TCERG1: variants seen among roughly 807,000 people sequenced by gnomAD.
The protein encoded by TCERG1 is transcription elongation regulator 1.
Under a neutral mutation model 144.7 loss-of-function variants are expected in TCERG1, and 37 were observed. The ratio of observed to expected loss-of-function variants is 0.26; its 90% CI spans 0.20 to 0.34. The LOEUF (loss-of-function observed/expected upper bound fraction) is 0.34. TCERG1 is among the 10% of genes least tolerant of loss of function. TCERG1 has a pLI of 1.00. For synonymous variants in TCERG1, 492 were observed against 458.2 expected (o/e 1.07, Z -0.94); for missense variants, 1,027 against 1,380.7 (o/e 0.74, Z 4.06).
At chr5:146,457,125 G>T in intron 2 of TCERG1, 58 bp from the exon 3 acceptor site, 1 of 1,577,428 alleles carries the variant, frequency 6.3e-7, no homozygotes. Flanking sequence ...ATAGAATTCA[G>T]TAATAATTTG....
intron 9 of TCERG1, 23 bp from the exon 10 acceptor site, chr5:146,478,470 T>G (rs762781129): frequency 6.4e-7 from 1 of 1,558,414 alleles, no homozygotes; most frequent in Non-Finnish European, 8.6e-7. Context: ...CATAAGAGAA[T>G]GATATTTTGC....
chr5:146,463,529 T>A (rs1188500792), intron 4 of TCERG1, 22 bp from the exon 5 acceptor site: 1 of 1,613,574 alleles, frequency 6.2e-7, no homozygotes, highest in East Asian at 2.2e-5. Context: ...GTGATACATG[T>A]TTTTGTTTTA....
chr5:146,463,128 T>C (rs775099746), intron 4 of TCERG1, among the ~76,000 whole-genome samples: 2 of 152,238 alleles, frequency 1.3e-5, no homozygotes, highest in Admixed American at 6.5e-5. Context: ...GTTTCACTCA[T>C]TAATTGCTTG....
At chr5:146,501,902 T>C (rs1346177683) in intron 17 of TCERG1, among the ~76,000 whole-genome samples, 2 of 140,964 alleles carry the variant, frequency 1.4e-5, no homozygotes, top group Non-Finnish European at 3.1e-5. Flanking sequence ...TTTTTTTTTT[T>C]TTTTTTTTTT....
intron 17 of TCERG1, among the ~76,000 whole-genome samples, chr5:146,501,257 G>A (rs1561701288): frequency 3.3e-5 from 5 of 152,082 alleles, no homozygotes; most frequent in Admixed American, 2.6e-4. Context: ...AGTAAGGAAT[G>A]GGGAGAATAA....
intron 15 of TCERG1, among the ~76,000 whole-genome samples, chr5:146,490,308 C>T (rs1766273725): frequency 6.6e-6 from 1 of 152,052 alleles, no homozygotes; most frequent in African/African-American, 2.4e-5. Context: ...GGGAAGATGT[C>T]GAAGGTATTT....
rs1196712971 is a variant in TCERG1 at position 146,479,874 on chromosome 5, G to A, written c.1782G>A (p.Met594Ile). The A allele has an allele frequency of 1.2e-6, 2 of 1,613,522 alleles. No individual in the cohort carries two copies. Among genetic ancestry groups the A allele is most frequent in the Non-Finnish European group, 1.7e-6 (2 of 1,179,640 alleles). Reference sequence around the variant, plus strand: ...TGCCAGGGCACCCAACTCCGACAATGCTGTCGATCCAAAAGTGGCAATTCT... The same window carrying A: ...TGCCAGGGCACCCAACTCCGACAATACTGTCGATCCAAAAGTGGCAATTCT... The part of the protein sequence containing the change: ...LKKLRHPTPT[M>I]LSIQKWQFSM... The change falls in exon 11 of 23, where the codon ATG becomes ATA. Residue 594 changes from methionine (M) to isoleucine (I), a missense_variant. By Grantham distance (10) the Met-to-Ile change is conservative. This residue lies in a region of TCERG1 where 482 missense variants were observed against 632.6 expected (regional missense o/e 0.76). Coordinates refer to ENST00000679501, the MANE Select transcript of TCERG1 (RefSeq NM_001382548.1).
At chr5:146,453,628 A>C (rs1762546832) in intron 1 of TCERG1, among the ~76,000 whole-genome samples, 1 of 152,200 alleles carries the variant, frequency 6.6e-6, no homozygotes, top group South Asian at 2.1e-4. Flanking sequence ...TACAGAATCC[A>C]ATCTAGAGTT....
chr5:146,458,604 C>T (rs142033321), intron 3 of TCERG1, among the ~76,000 whole-genome samples: 3,463 of 152,172 alleles, frequency 0.023, 130 homozygotes, highest in African/African-American at 0.078. Flanking sequence ...TCCCGAGTAG[C>T]TGGGATTACA....
chr5:146,452,238 A>ATGAT (rs1194586744), intron 1 of TCERG1, among the ~76,000 whole-genome samples: 1 of 152,178 alleles, frequency 6.6e-6, no homozygotes, highest in Non-Finnish European at 1.5e-5. Context: ...GACTATAAGA[A>ATGAT]TGATTATTTT....
intron 19 of TCERG1, 23 bp downstream of exon 19, chr5:146,504,029 T>C: frequency 6.7e-7 from 1 of 1,492,288 alleles, no homozygotes; most frequent in Non-Finnish European, 8.9e-7. Flanking sequence ...CTTTTACTTT[T>C]TTTCTCTAAA....
At chr5:146,455,410 CATATATTA>C in intron 2 of TCERG1, 129 bp downstream of exon 2, 6 of 1,031,192 alleles carry the variant, frequency 5.8e-6, no homozygotes, top group Non-Finnish European at 8.3e-6. Context: ...AGAGAAGATC[CATATATTA>C]ATATGTTTCT....
Position 146,471,494 on chromosome 5 carries a change from A to G in TCERG1, c.1519A>G (p.Lys507Glu). ...EPIKEIKEEPKEEEMTEEEKA... is the reference protein window; with the variant it reads ...EPIKEIKEEPEEEEMTEEEKA... ...GTAATATCATTTCTTGTAGGAGCCC[A>G]AAGAAGAGGAGATGACTGAAGAAGA... The change falls in exon 9 of 23, where the codon AAA becomes GAA. Residue 507 changes from lysine (K) to glutamate (E), a missense_variant. This residue lies in a region of TCERG1 where 482 missense variants were observed against 632.6 expected (regional missense o/e 0.76). Coordinates refer to ENST00000679501, the MANE Select transcript of TCERG1 (RefSeq NM_001382548.1). The G allele has an allele frequency of 6.2e-7, 1 of 1,612,578 alleles. No homozygotes were observed. The highest frequency in any genetic ancestry group is 1.1e-5 in the South Asian group (1 of 90,712).
At chr5:146,492,725 G>A in intron 15 of TCERG1, 195 bp from the exon 16 acceptor site, 1 of 389,012 alleles carries the variant, frequency 2.6e-6, no homozygotes. Context: ...TGAAGCCTAA[G>A]TAGAGAGCTG....
At chr5:146,485,249 A>G (rs1358708740) in intron 15 of TCERG1, among the ~76,000 whole-genome samples, 2 of 152,172 alleles carry the variant, frequency 1.3e-5, no homozygotes, top group African/African-American at 4.8e-5. Flanking sequence ...CATTTCATTA[A>G]GGTACTTGTC....
chr5:146,469,625 C>T lies in TCERG1; in HGVS notation c.1280C>T (p.Ala427Val), dbSNP rs770309172. ...ATTGCAGCTTCACCTGCTACCTTAG[C>T]TGGAGCAACAGCAGTTTCTGAATGG... ...VAIAASPATLAGATAVSEWTE... is the reference protein window; with the variant it reads ...VAIAASPATLVGATAVSEWTE... Residue 427 changes from alanine to valine, a missense_variant, in exon 7 of 23, where the codon GCT becomes GTT. Coordinates refer to ENST00000679501, the MANE Select transcript of TCERG1 (RefSeq NM_001382548.1). 3.7e-6 allele frequency: 6 copies of T among 1,613,470 alleles called. No individual in the cohort carries two copies. Among genetic ancestry groups the T allele is most frequent in the Non-Finnish European group, 5.1e-6 (6 of 1,179,718 alleles).
rs1434887315 is a variant in TCERG1 at position 146,498,598 on chromosome 5, A to C, written c.2345A>C (p.Lys782Thr). The part of the protein sequence containing the change: ...AKDSRFKAIE[K>T]MKDREALFNE... ...GATTCAAGATTCAAAGCAATTGAAA[A>C]GATGAAAGACCGAGAAGCCTTGTTT... Residue 782 changes from lysine to threonine, a missense_variant, in exon 17 of 23, where the codon AAG becomes ACG. Lys to Thr is a moderately conservative substitution (Grantham distance 78). This residue lies in a region of TCERG1 where 482 missense variants were observed against 632.6 expected (regional missense o/e 0.76). Transcript: ENST00000679501. 6.2e-7 allele frequency: 1 copy of C among 1,611,658 alleles called. No homozygotes were observed.
intron 1 of TCERG1, among the ~76,000 whole-genome samples, chr5:146,452,740 C>A (rs570757589): frequency 1.3e-5 from 2 of 152,280 alleles, no homozygotes; most frequent in South Asian, 4.1e-4. Context: ...CAGGCGTGCA[C>A]CACCATGCCC....
chr5:146,509,382 C>A, intron 22 of TCERG1, 137 bp downstream of exon 22: 1 of 555,594 alleles, frequency 1.8e-6, no homozygotes. Context: ...AACTTCTGTC[C>A]AAAGTCAAAT....
Sources: gnomAD v4.1 joint callset for allele counts (sites outside exome capture counted in the v4.1 genomes callset) on GRCh38, gnomAD v4.1.1 for gene constraint, gnomAD v4.1.1 regional missense constraint, MANE v1.5 for transcripts, NCBI Gene and HGNC (gene_info 2026-07-23, HGNC 2026-07-21) for gene names.